The following HPCAL1 variants were observed in gnomAD, a reference collection of about 807,000 sequenced individuals.
HPCAL1 encodes hippocalcin-like protein 1.
Under a neutral mutation model 17.1 loss-of-function variants are expected in HPCAL1, and 8 were observed. The observed-to-expected ratio is 0.47, with a 90% CI of 0.27 to 0.84. The LOEUF is 0.84. HPCAL1 is among the 40% of genes least tolerant of loss of function. HPCAL1 has a pLI of 0.13. For synonymous variants in HPCAL1, 112 were observed against 111.4 expected, an observed-to-expected ratio of 1.01 and a Z score of -0.03; for missense variants, 165 against 271.1, an observed-to-expected ratio of 0.61 and a Z score of 2.75.
intron 1 of HPCAL1, among the ~76,000 whole-genome samples, chr2:10,386,916 G>A (rs1233411871): frequency 6.6e-6 from 1 of 152,246 alleles, no homozygotes; most frequent in Non-Finnish European, 1.5e-5. Context: ...TGCTCTCTGG[G>A]TGAGAGTTGG....
intron 3 of HPCAL1, 80 bp downstream of exon 3, chr2:10,420,215 T>A: frequency 1.7e-6 from 2 of 1,210,292 alleles, no homozygotes; most frequent in Non-Finnish European, 2.2e-6. Flanking sequence ...AGGGCTTTTT[T>A]TTTTTTTTTT....
At chr2:10,420,306 C>G (rs1422607191) in intron 3 of HPCAL1, among the ~76,000 whole-genome samples, 171 bp downstream of exon 3, 1 of 148,264 alleles carries the variant, frequency 6.7e-6, no homozygotes, top group African/African-American at 2.5e-5. Flanking sequence ...GCCTCCTGGG[C>G]TCAGGTGATT....
At position 10,404,634 on chromosome 2, in the gene HPCAL1, G is replaced by A. The variant is rs181951412; in HGVS notation, c.-25+7714G>A. On this transcript the variant is annotated intron_variant, in intron 2 of 4. Transcript: ENST00000307845. ...AGGCGCTGAGCAGCCCCCAGATCCC[G>A]GGCTCCTTTGCTGCCCCAGGGTCGG... is the stretch of plus-strand genomic sequence containing the variant. 3.3e-3 allele frequency among the ~76,000 whole-genome samples: 502 copies of A among 152,316 alleles called. 3 individuals carry two copies. Among genetic ancestry groups the A allele is most frequent in the Non-Finnish European group, 5.6e-3 (379 of 68,016 alleles).
intron 1 of HPCAL1, chr2:10,368,847 T>A (rs1667030208): frequency 6.6e-6 from 1 of 152,232 alleles, no homozygotes; most frequent in South Asian, 2.1e-4. Flanking sequence ...ATTACCGACA[T>A]TTCAGTACTT....
In HPCAL1 at chr2:10,377,871, C is replaced by T. The variant is rs111376803; in HGVS notation, c.-110-18964C>T. 2.6e-5 allele frequency among the ~76,000 whole-genome samples: 4 copies of T among 152,132 alleles called. No homozygotes were observed. The highest frequency in any genetic ancestry group is 6.5e-5 in the Admixed American group (1 of 15,278). On this transcript the variant is annotated intron_variant, in intron 1 of 4. Transcript: ENST00000307845. This position sits in a 1 kb window ranked among gnomAD's most constrained non-coding sequence, Gnocchi z 5.9. ...GGGAGGGTATTCAAGGGCGGCAAGCCACCAAGGGGACGGGGCAGGCACAGG... is the reference window on the plus strand; with the variant it reads ...GGGAGGGTATTCAAGGGCGGCAAGCTACCAAGGGGACGGGGCAGGCACAGG...
At chr2:10,399,701 C>T (rs1669468803) in intron 2 of HPCAL1, among the ~76,000 whole-genome samples, 1 of 152,100 alleles carries the variant, frequency 6.6e-6, no homozygotes, top group Non-Finnish European at 1.5e-5. Flanking sequence ...ACTGGAAGGG[C>T]CTTCCGCTTC....
chr2:10,382,583 GT>G (rs1355181989), intron 1 of HPCAL1, among the ~76,000 whole-genome samples: 19 of 98,482 alleles, frequency 1.9e-4, no homozygotes, highest in Non-Finnish European at 3.4e-4. Flanking sequence ...AAAAAATAAA[GT>G]TCATTAATTA....
At chr2:10,376,732 C>T (rs965856270) in intron 1 of HPCAL1, among the ~76,000 whole-genome samples, 2 of 152,126 alleles carry the variant, frequency 1.3e-5, no homozygotes, top group Admixed American at 6.5e-5. Context: ...CCACTGCCCC[C>T]AGCCTTTATA....
intron 2 of HPCAL1, among the ~76,000 whole-genome samples, chr2:10,404,531 C>T (rs947213426): frequency 6.6e-6 from 1 of 152,202 alleles, no homozygotes; most frequent in South Asian, 2.1e-4. Context: ...AGTCAGCAGC[C>T]ACAGACTCCC....
chr2:10,405,161 G>A (rs1261435488), intron 2 of HPCAL1, among the ~76,000 whole-genome samples: 2 of 152,270 alleles, frequency 1.3e-5, no homozygotes, highest in South Asian at 4.1e-4. Context: ...GAGACAGCCA[G>A]GACCATATGG....
rs1051498229 is a variant in HPCAL1 at position 10,359,176 on chromosome 2, A to T, written c.-110-37659A>T. On this transcript the variant is annotated intron_variant, in intron 1 of 4. Transcript: ENST00000307845. The surrounding 1 kb of genome is among the most constrained non-coding windows in gnomAD (Gnocchi z 4.1). Reference sequence around the variant, plus strand: ...GGGAAAAGGGAACCTTTCCCGTTTCACAGCCACAGTTTCCTGCTGTTTTCT... The same window carrying T: ...GGGAAAAGGGAACCTTTCCCGTTTCTCAGCCACAGTTTCCTGCTGTTTTCT... Among the ~76,000 whole-genome samples the T allele has an allele frequency of 6.6e-6, 1 of 152,104 alleles. No individual in the cohort carries two copies.
chr2:10,351,651 T>G (rs1188726140), intron 1 of HPCAL1, among the ~76,000 whole-genome samples: 1 of 151,872 alleles, frequency 6.6e-6, no homozygotes, highest in East Asian at 1.9e-4. Context: ...CCCAGCTACT[T>G]GGGAGGCTGA....
At chr2:10,318,548 C>G (rs548025836) in intron 1 of HPCAL1, among the ~76,000 whole-genome samples, 1 of 152,286 alleles carries the variant, frequency 6.6e-6, no homozygotes, top group African/African-American at 2.4e-5. Flanking sequence ...ATGACCGCTC[C>G]GGACATTGGC....
chr2:10,340,339 T>C (rs775388352), intron 1 of HPCAL1, among the ~76,000 whole-genome samples: 4 of 152,190 alleles, frequency 2.6e-5, no homozygotes, highest in Admixed American at 6.5e-5. Context: ...TTTCTAACCA[T>C]GTAAGGTGTA....
At chr2:10,405,807 G>C (rs1669932918) in intron 2 of HPCAL1, among the ~76,000 whole-genome samples, 1 of 152,230 alleles carries the variant, frequency 6.6e-6, no homozygotes, top group Non-Finnish European at 1.5e-5. Context: ...CACATCTAGA[G>C]GGACTGATGA....
At position 10,384,894 on chromosome 2, in the gene HPCAL1, G is replaced by A. The variant is rs183738363; in HGVS notation, c.-110-11941G>A. Among the ~76,000 whole-genome samples the A allele has an allele frequency of 2.9e-3, 442 of 152,220 alleles. 2 individuals are homozygous for A. Among genetic ancestry groups the A allele is most frequent in the African/African-American group, 8.6e-3 (356 of 41,540 alleles). On this transcript the variant is annotated intron_variant, in intron 1 of 4. Coordinates refer to ENST00000307845, the MANE Select transcript of HPCAL1 (RefSeq NM_002149.4). The surrounding 1 kb of genome is among the most constrained non-coding windows in gnomAD (Gnocchi z 4.4). ...CCCAACGCTTTGGGAGGCCGAGGTG[G>A]GTGGATCACAAGGTCAAGAGATGGA...
chr2:10,410,182 G>A (rs895679236), intron 2 of HPCAL1, among the ~76,000 whole-genome samples: 3 of 152,204 alleles, frequency 2.0e-5, no homozygotes, highest in East Asian at 1.9e-4. Flanking sequence ...GGCAAGCTTC[G>A]GGGATCTGAC....
intron 2 of HPCAL1, among the ~76,000 whole-genome samples, chr2:10,410,436 C>CATTTTTTTT (rs1553360283): frequency 1.3e-5 from 1 of 77,496 alleles, no homozygotes; most frequent in Non-Finnish European, 2.3e-5. Flanking sequence ...TCTTCTTCTT[C>CATTTTTTTT]TTTTTTTTTT....
In HPCAL1 at chr2:10,323,825, T is replaced by C. The variant is rs1017956964; in HGVS notation, c.-111+20648T>C. On this transcript the variant is annotated intron_variant, in intron 1 of 4. Coordinates refer to ENST00000307845, the MANE Select transcript of HPCAL1 (RefSeq NM_002149.4). This position sits in a 1 kb window ranked among gnomAD's most constrained non-coding sequence, Gnocchi z 4.6. ...AAAACAATAACAACAACAACAAAAA[T>C]CTGCGTCTTGTCGGAACTTCCATAT... 1.3e-5 allele frequency among the ~76,000 whole-genome samples: 2 copies of C among 152,170 alleles called. No homozygotes were observed. The highest frequency in any genetic ancestry group is 4.8e-5 in the African/African-American group (2 of 41,432).
Sources: gnomAD v4.1 joint callset for allele counts (sites outside exome capture counted in the v4.1 genomes callset) on GRCh38, gnomAD v4.1.1 for gene constraint, Gnocchi (gnomAD v3.1) non-coding constraint, MANE v1.5 for transcripts, NCBI Gene and HGNC (gene_info 2026-07-23, HGNC 2026-07-21) for gene names.